GPM6A: variants seen among roughly 807,000 people sequenced by gnomAD.
GPM6A encodes the protein glycoprotein M6A, also known as neuronal membrane glycoprotein M6-a.
GPM6A carries 7 observed loss-of-function variants against 32.1 expected under a neutral mutation model. The observed-to-expected ratio is 0.22, with a 90% CI of 0.12 to 0.41. The LOEUF (loss-of-function observed/expected upper bound fraction) is 0.41. Ranked by LOEUF, GPM6A falls within the 10% of genes least tolerant of loss-of-function variation. The probability of loss-of-function intolerance (pLI) is 1.00; values close to 1 mark genes in which losing one functional copy is unlikely to be tolerated. For missense variants in GPM6A, 235 were observed against 347.2 expected, an observed-to-expected ratio of 0.68 and a Z score of 2.57; for synonymous variants, 130 against 123.4, an observed-to-expected ratio of 1.05 and a Z score of -0.35.
At position 175,644,318 on chromosome 4, in the gene GPM6A, C is replaced by A. The variant is rs1191953934; in HGVS notation, c.542-3489G>T. ...CCGGTATCTTACTCTGCCTTATGCCCCTCAGTTGAATTCTTCCTTCTGAGG... is the reference window on the plus strand; with the variant it reads ...CCGGTATCTTACTCTGCCTTATGCCACTCAGTTGAATTCTTCCTTCTGAGG... On this transcript the variant is annotated intron_variant, in intron 4 of 6. Transcript: ENST00000393658. 2.6e-5 allele frequency among the ~76,000 whole-genome samples: 4 copies of A among 151,770 alleles called. No individual in the cohort carries two copies. The East Asian group carries it at 7.8e-4, about 29-fold the overall frequency.
rs368045910 is a variant in GPM6A, at chr4:175,969,998, A to T, written c.-23+32311T>A. On this transcript the variant is annotated intron_variant, in intron 1 of 7. Coordinates refer to the GPM6A transcript ENST00000280187. ...CAATTTAACTACTTTTACTTTCAGG[A>T]CCAATTCAGCAATTACTTTCAGATA... 1.6e-4 allele frequency among the ~76,000 whole-genome samples: 24 copies of T among 152,358 alleles called. 1 individual carries two copies. The East Asian group carries it at 2.1e-3, about 13-fold the overall frequency.
At chr4:175,687,062 C>T (rs1303025186) in intron 2 of GPM6A, among the ~76,000 whole-genome samples, 1 of 152,172 alleles carries the variant, frequency 6.6e-6, no homozygotes, top group Non-Finnish European at 1.5e-5. Context: ...AGTTGCTTCT[C>T]TACCAGACTT....
At chr4:175,958,995 C>A (rs1229634962) in intron 1 of GPM6A, among the ~76,000 whole-genome samples, 2 of 151,972 alleles carry the variant, frequency 1.3e-5, no homozygotes, top group Non-Finnish European at 2.9e-5. Context: ...GCCTGGAATC[C>A]CAGGTTTTTT....
At chr4:176,002,255 C>T in intron 1 of GPM6A, 1 of 1,560,380 alleles carries the variant, frequency 6.4e-7, no homozygotes, top group South Asian at 1.2e-5. Context: ...CTATAATGCC[C>T]ATTCCCGAGG....
intron 1 of GPM6A, among the ~76,000 whole-genome samples, chr4:175,959,362 C>T (rs1425082105): frequency 1.3e-5 from 2 of 152,056 alleles, no homozygotes; most frequent in Admixed American, 1.3e-4. Context: ...TGCACATGAT[C>T]CTTGCATGCT....
At chr4:175,888,143 T>G (rs1372011617) in intron 1 of GPM6A, among the ~76,000 whole-genome samples, 1 of 151,932 alleles carries the variant, frequency 6.6e-6, no homozygotes. Context: ...GTTTAACATC[T>G]GAGTACAAAG....
intron 2 of GPM6A, among the ~76,000 whole-genome samples, chr4:175,688,033 G>A (rs73020153): frequency 7.1e-4 from 108 of 152,064 alleles, no homozygotes; most frequent in African/African-American, 2.4e-3. Flanking sequence ...TTTTAATTGG[G>A]TATTTTTGTT....
rs1438806257 is a variant in GPM6A at position 175,984,605 on chromosome 4, C to T, written c.-23+17704G>A. ...TTTATTGCTTCATAGAAGTGCTTTA[C>T]ATTTTGATATGGTAAAATTTGTCAG... On this transcript the variant is annotated intron_variant, in intron 1 of 7. Coordinates refer to the GPM6A transcript ENST00000280187. 3.9e-5 allele frequency among the ~76,000 whole-genome samples: 6 copies of T among 152,240 alleles called. No homozygotes were observed. The South Asian group carries it at 6.2e-4, about 16-fold the overall frequency.
chr4:175,703,396 C>T (rs906520267), intron 1 of GPM6A, among the ~76,000 whole-genome samples: 12 of 152,088 alleles, frequency 7.9e-5, no homozygotes, highest in African/African-American at 2.9e-4. Flanking sequence ...GATCTCAAAC[C>T]TTGACCTCAA....
chr4:175,731,618 A>C (rs2111143070), intron 1 of GPM6A, among the ~76,000 whole-genome samples: 1 of 152,356 alleles, frequency 6.6e-6, no homozygotes, highest in Non-Finnish European at 1.5e-5. Context: ...AGCACTCTGT[A>C]GAAAATAAAT....
chr4:175,639,195 T>A (rs745662066), intron 6 of GPM6A, among the ~76,000 whole-genome samples: 34 of 152,302 alleles, frequency 2.2e-4, no homozygotes, highest in Non-Finnish European at 4.4e-4. Flanking sequence ...AAAATATTTA[T>A]GAAATCAGTA....
intron 1 of GPM6A, among the ~76,000 whole-genome samples, chr4:175,915,255 A>G (rs1738454003): frequency 6.6e-6 from 1 of 151,964 alleles, no homozygotes; most frequent in Non-Finnish European, 1.5e-5. Context: ...CATCTATACC[A>G]GACAGGAGGC....
At chr4:175,665,067 A>G (rs548669301) in intron 3 of GPM6A, among the ~76,000 whole-genome samples, 1 of 152,300 alleles carries the variant, frequency 6.6e-6, no homozygotes, top group East Asian at 1.9e-4. Flanking sequence ...TTGAAAGCCT[A>G]CAGGACCACC....
chr4:175,980,559 A>G (rs1318516756), intron 1 of GPM6A, among the ~76,000 whole-genome samples: 1 of 152,190 alleles, frequency 6.6e-6, no homozygotes, highest in African/African-American at 2.4e-5. Flanking sequence ...AAATTTGTGA[A>G]TGTTCTTCCT....
At chr4:175,637,318 A>T (rs35287384) in intron 6 of GPM6A, among the ~76,000 whole-genome samples, 17,532 of 64,014 alleles carry the variant, frequency 0.27, 3,192 homozygotes, top group Admixed American at 0.33. Context: ...ATATAATATA[A>T]AATATATATT....
intron 1 of GPM6A, among the ~76,000 whole-genome samples, chr4:175,949,551 AGTTT>A (rs1266931741): frequency 1.7e-4 from 26 of 150,458 alleles, no homozygotes; most frequent in Admixed American, 5.9e-4. Flanking sequence ...AACAAATATG[AGTTT>A]GTTTGATTTT....
chr4:175,933,766 G>T (rs1233914835), intron 1 of GPM6A, among the ~76,000 whole-genome samples: 1 of 151,956 alleles, frequency 6.6e-6, no homozygotes, highest in African/African-American at 2.4e-5. Flanking sequence ...GGATGGTCTC[G>T]CTCTCCTGAC....
At chr4:175,763,086 A>G (rs1732815192) in intron 1 of GPM6A, among the ~76,000 whole-genome samples, 1 of 152,228 alleles carries the variant, frequency 6.6e-6, no homozygotes, top group African/African-American at 2.4e-5. Flanking sequence ...ATATCTATAA[A>G]GTTGTTAAAA....
intron 1 of GPM6A, among the ~76,000 whole-genome samples, chr4:175,827,602 T>C (rs1319867730): frequency 2.0e-5 from 3 of 152,154 alleles, no homozygotes; most frequent in Non-Finnish European, 4.4e-5. Context: ...TCAACAGGCT[T>C]AGAGAACAAA....
Sources: gnomAD v4.1 joint callset for allele counts (sites outside exome capture counted in the v4.1 genomes callset) on GRCh38, gnomAD v4.1.1 for gene constraint, MANE v1.5 for transcripts, NCBI Gene and HGNC (gene_info 2026-07-23, HGNC 2026-07-21) for gene names.